LINS1: variants seen among roughly 807,000 people sequenced by gnomAD.
The protein encoded by LINS1 is protein Lines homolog 1.
Under a neutral mutation model 41.6 loss-of-function variants are expected in LINS1, and 27 were observed. The observed-to-expected ratio is 0.65, with a 90% CI of 0.48 to 0.89. The LOEUF (loss-of-function observed/expected upper bound fraction) is 0.89. Among genes scored for constraint, LINS1 ranks in the 40% least tolerant of loss-of-function variants. The pLI is 0.00. For synonymous variants in LINS1, 336 were observed against 312.9 expected, an observed-to-expected ratio of 1.07 and a Z score of -0.78; for missense variants, 955 against 884.1, an observed-to-expected ratio of 1.08 and a Z score of -1.02.
chr15:100,595,183 T>C (rs1293365855), intron 1 of LINS1, among the ~76,000 whole-genome samples: 1 of 151,990 alleles, frequency 6.6e-6, no homozygotes, highest in African/African-American at 2.4e-5. Context: ...TCCACAAATG[T>C]AAAAACTGAT....
intron 1 of LINS1, among the ~76,000 whole-genome samples, chr15:100,599,555 C>T (rs577871082): frequency 6.6e-6 from 1 of 152,308 alleles, no homozygotes; most frequent in South Asian, 2.1e-4. Flanking sequence ...CTTAGGCCCC[C>T]ATCTCTCTAC....
chr15:100,591,124 C>A (rs929410222), intron 1 of LINS1, among the ~76,000 whole-genome samples: 1 of 152,032 alleles, frequency 6.6e-6, no homozygotes, highest in Non-Finnish European at 1.5e-5. Context: ...TTGCAGTGAG[C>A]CAAGATCATG....
chr15:100,573,458 C>T (rs2037958760), intron 5 of LINS1, 193 bp downstream of exon 5: 3 of 891,326 alleles, frequency 3.4e-6, no homozygotes, highest in South Asian at 4.8e-5. Flanking sequence ...ATTGTAGGCA[C>T]AAAAAGCTGA....
chr15:100,581,076 A>G (rs1338583171), intron 1 of LINS1, 131 bp from the exon 2 acceptor site: 2 of 462,170 alleles, frequency 4.3e-6, no homozygotes, highest in Non-Finnish European at 7.7e-6. Flanking sequence ...CTAAAATGGA[A>G]AATTGTAACA....
intron 1 of LINS1, among the ~76,000 whole-genome samples, chr15:100,587,074 G>A (rs7183307): frequency 0.43 from 63,428 of 148,682 alleles, 14,404 homozygotes; most frequent in Non-Finnish European, 0.53. Context: ...CAGCAGAATC[G>A]CTTGAGCCCA....
At position 100,569,120 on chromosome 15, in the gene LINS1, C is replaced by T. The variant is rs531553540; in HGVS notation, c.*118G>A. ...CCTGAGCGACAGAATGAGATTCTGT[C>T]TCAAAAAAAAAAAAAAAAAAGAAAA... On this transcript the variant is annotated 3_prime_UTR_variant, in exon 7 of 7. Transcript: ENST00000314742. The T allele has an allele frequency of 1.1e-4, 58 of 540,176 alleles. No individual in the cohort carries two copies. In the African/African-American group the frequency reaches 2.3e-3, roughly 21 times the overall value. The allele number at this position is 540,176 out of a possible 1,614,324, so 33.5% of individuals were successfully genotyped here.
intron 1 of LINS1, among the ~76,000 whole-genome samples, chr15:100,599,863 C>T (rs753652410): frequency 1.3e-5 from 2 of 152,108 alleles, no homozygotes; most frequent in Admixed American, 6.5e-5. Context: ...GTCAGAGGTT[C>T]GAGACCAGCC....
intron 1 of LINS1, among the ~76,000 whole-genome samples, chr15:100,598,010 C>T (rs879848871): frequency 2.0e-5 from 3 of 152,208 alleles, no homozygotes; most frequent in Non-Finnish European, 2.9e-5. Flanking sequence ...TCCTTCCAGC[C>T]TCTGGGCCTT....
Position 100,580,463 on chromosome 15 carries a change from G to A in LINS1, c.380C>T (p.Ala127Val). The A allele has an allele frequency of 6.2e-7, 1 of 1,613,836 alleles. No individual in the cohort carries two copies. Residue 127 changes from alanine (A) to valine (V), a missense_variant, in exon 2 of 7, where the codon GCC becomes GTC. Ala to Val is a moderately conservative substitution (Grantham distance 64, BLOSUM62 0). Transcript: ENST00000314742. The stretch of plus-strand genomic sequence containing the variant: ...GCTTACTAATTTAGAATCGACTTTG[G>A]CTGATTCTAAGAGAATTTTAATTAC... ...RDVIKILLES[A>V]KVDSKLICMF...
chr15:100,572,578 T>C (rs2037891317), intron 5 of LINS1: 2 of 998,862 alleles, frequency 2.0e-6, no homozygotes, highest in Non-Finnish European at 2.4e-6. Context: ...CTGAATTATA[T>C]AACAGGTGCC....
rs1383641417 is a variant in LINS1 at position 100,569,242 on chromosome 15, A to T, written c.2270T>A (p.Leu757Ter). ...GGAAAATAAAATGTCAATGTTTTAC[A>T]AAGTGTTCATAGTTTTATTACTTAT... ...EVISNKTMNT[L>*] Residue 757 changes from leucine to a stop codon, truncating the protein, a stop_gained, in exon 7 of 7, where the codon TTG becomes TAG. Transcript: ENST00000314742. LOFTEE classifies it high-confidence loss of function. The T allele has an allele frequency of 1.3e-6, 2 of 1,577,174 alleles. No homozygotes were observed. Among genetic ancestry groups the T allele is most frequent in the South Asian group, 1.1e-5 (1 of 89,740 alleles).
intron 1 of LINS1, among the ~76,000 whole-genome samples, chr15:100,594,301 C>T (rs1414313701): frequency 6.6e-6 from 1 of 151,964 alleles, no homozygotes. Flanking sequence ...TCCAGAGGGC[C>T]GACTATAGTT....
Position 100,568,590 on chromosome 15 carries a change from C to G in LINS1, c.*648G>C, listed in dbSNP as rs767827726. 6.6e-6 allele frequency: 1 copy of G among 152,480 alleles called. No individual in the cohort carries two copies. Among genetic ancestry groups the G allele is most frequent in the Non-Finnish European group, 1.5e-5 (1 of 68,286 alleles). 9.4% of individuals were successfully genotyped at this position (152,480 alleles called of 1,614,324 possible). On this transcript the variant is annotated 3_prime_UTR_variant, in exon 7 of 7. Transcript: ENST00000314742. ...CCCTGAGGGCATTGCCCTGCTGAAG[C>G]CTGAGTTTGGATTCTGGCCTCCAAA...
intron 5 of LINS1, chr15:100,573,253 G>C: frequency 6.5e-6 from 3 of 464,080 alleles, no homozygotes; most frequent in Non-Finnish European, 8.8e-6. Flanking sequence ...AGGAGGAATA[G>C]CATGGGCCGA....
chr15:100,570,263 C>G, intron 6 of LINS1, 146 bp from the exon 7 acceptor site: 2 of 599,772 alleles, frequency 3.3e-6, no homozygotes, highest in Non-Finnish European at 5.5e-6. Context: ...ATTTCAAAAC[C>G]CATTCCCTTC....
intron 1 of LINS1, among the ~76,000 whole-genome samples, chr15:100,598,192 G>C (rs775232861): frequency 6.6e-6 from 1 of 152,156 alleles, no homozygotes; most frequent in Non-Finnish European, 1.5e-5. Flanking sequence ...TTATGATTTA[G>C]AGTTGTCTGC....
chr15:100,581,896 A>G (rs2038561830), intron 1 of LINS1, among the ~76,000 whole-genome samples: 1 of 152,346 alleles, frequency 6.6e-6, no homozygotes, highest in Non-Finnish European at 1.5e-5. Flanking sequence ...TCCTTTAAAC[A>G]GGTTGTGCCT....
chr15:100,597,930 T>A (rs930909613), intron 1 of LINS1, among the ~76,000 whole-genome samples: 1 of 152,284 alleles, frequency 6.6e-6, no homozygotes, highest in South Asian at 2.1e-4. Context: ...AAATGGCTTA[T>A]ATGTGAAAAC....
chr15:100,588,158 C>A lies in LINS1; in HGVS notation c.-103-7213G>T, dbSNP rs184172469. Reference sequence around the variant, plus strand: ...GCTCTGTGTGTCTTCCTGTATTTTTCTGTCATAAAGAGGGGTACCCTAGGA... The same window carrying A: ...GCTCTGTGTGTCTTCCTGTATTTTTATGTCATAAAGAGGGGTACCCTAGGA... On this transcript the variant is annotated intron_variant, in intron 1 of 6. Coordinates refer to ENST00000314742, the MANE Select transcript of LINS1 (RefSeq NM_001040616.3). 3.8e-3 allele frequency among the ~76,000 whole-genome samples: 572 copies of A among 152,294 alleles called. 2 individuals are homozygous for A. Among genetic ancestry groups the A allele is most frequent in the Non-Finnish European group, 6.3e-3 (431 of 68,022 alleles).
Sources: gnomAD v4.1 joint callset for allele counts (sites outside exome capture counted in the v4.1 genomes callset) on GRCh38, gnomAD v4.1.1 for gene constraint, MANE v1.5 for transcripts, NCBI Gene and HGNC (gene_info 2026-07-23, HGNC 2026-07-21) for gene names.